Variants in TBXAS1 observed in about 807,000 individuals in gnomAD.
TBXAS1 encodes the protein thromboxane A synthase 1, also known as thromboxane-A synthase.
TBXAS1 carries 48 observed loss-of-function variants against 60.7 expected under a neutral mutation model. That is an observed-to-expected ratio of 0.79 (90% CI 0.63 to 1.01). TBXAS1 has a LOEUF of 1.01. TBXAS1 is among the 50% of genes least tolerant of loss of function. The probability of loss-of-function intolerance (pLI) is 0.00; values close to 1 mark genes in which losing one functional copy is unlikely to be tolerated. For missense variants in TBXAS1, 685 were observed against 686.3 expected (o/e 1.00, Z 0.02); for synonymous variants, 287 against 269.7 (o/e 1.06, Z -0.63).
At chr7:139,802,850 C>A (rs1455383509) in intron 4 of TBXAS1, among the ~76,000 whole-genome samples, 1 of 152,080 alleles carries the variant, frequency 6.6e-6, no homozygotes, top group Non-Finnish European at 1.5e-5. Context: ...GGTGGCAGTT[C>A]CCCTGCACAT....
At chr7:139,877,817 T>G (rs1802364540) in intron 3 of TBXAS1, among the ~76,000 whole-genome samples, 1 of 151,798 alleles carries the variant, frequency 6.6e-6, no homozygotes, top group Admixed American at 6.6e-5. Context: ...AGTCTATTGC[T>G]TTTTAAAGGT....
At chr7:139,849,410 A>C (rs1800053766) in intron 1 of TBXAS1, among the ~76,000 whole-genome samples, 1 of 150,198 alleles carries the variant, frequency 6.7e-6, no homozygotes, top group Non-Finnish European at 1.5e-5. Context: ...CAAAAAAAAA[A>C]CAACCCACCA....
chr7:139,911,845 T>C (rs181024328), intron 4 of TBXAS1, among the ~76,000 whole-genome samples: 225 of 152,354 alleles, frequency 1.5e-3, no homozygotes, highest in Non-Finnish European at 2.4e-3. Context: ...CCAGCCTACA[T>C]GCATGTACAT....
At chr7:139,952,733 A>G (rs748025476) in intron 5 of TBXAS1, 1 of 1,480,038 alleles carries the variant, frequency 6.8e-7, no homozygotes, top group Non-Finnish European at 8.9e-7. Flanking sequence ...CCTATTAAAA[A>G]AAAGAAACCC....
intron 1 of TBXAS1, among the ~76,000 whole-genome samples, chr7:139,851,248 T>A (rs146044826): frequency 2.1e-4 from 32 of 152,318 alleles, no homozygotes; most frequent in African/African-American, 6.3e-4. Flanking sequence ...AGGCCCTTCA[T>A]TCAGACAGCT....
intron 3 of TBXAS1, among the ~76,000 whole-genome samples, chr7:139,877,719 A>G (rs1802352989): frequency 8.4e-6 from 1 of 119,746 alleles, no homozygotes. Context: ...CACTGCACCC[A>G]GTCTATTGCT....
chr7:139,859,993 G>A (rs1417879848), intron 1 of TBXAS1, among the ~76,000 whole-genome samples: 1 of 152,102 alleles, frequency 6.6e-6, no homozygotes. Flanking sequence ...ACAAAAATTA[G>A]CTGAGCACAA....
chr7:139,963,183 G>A (rs904821670), intron 9 of TBXAS1: 9 of 152,130 alleles, frequency 5.9e-5, no homozygotes, highest in African/African-American at 2.2e-4. Flanking sequence ...TTAACTTTAG[G>A]CTCAACATGA....
chr7:139,820,720 T>C (rs914171830), intron 4 of TBXAS1, among the ~76,000 whole-genome samples: 1 of 152,176 alleles, frequency 6.6e-6, no homozygotes, highest in African/African-American at 2.4e-5. Flanking sequence ...CTCTCCTGTG[T>C]AGGCCAGTCC....
chr7:139,826,509 T>A (rs954488737), upstream of TBXAS1, among the ~76,000 whole-genome samples: 2 of 152,212 alleles, frequency 1.3e-5, no homozygotes, highest in South Asian at 4.1e-4. Context: ...ACCTGTGCGG[T>A]TCACTATCTT....
At chr7:139,866,574 T>G (rs1584717317) in intron 1 of TBXAS1, among the ~76,000 whole-genome samples, 2 of 142,886 alleles carry the variant, frequency 1.4e-5, no homozygotes, top group Non-Finnish European at 1.5e-5. Context: ...GGCAACATAG[T>G]GAGACCCTGT....
chr7:139,849,047 AAGTGAAAAC>A (rs751384146), intron 1 of TBXAS1, among the ~76,000 whole-genome samples: 1 of 152,200 alleles, frequency 6.6e-6, no homozygotes, highest in Non-Finnish European at 1.5e-5. Context: ...CTTTTATTGT[AAGTGAAAAC>A]AGTGACTCTC....
intron 10 of TBXAS1, among the ~76,000 whole-genome samples, chr7:140,010,908 A>G (rs1468110154): frequency 6.6e-6 from 1 of 152,104 alleles, no homozygotes; most frequent in Admixed American, 6.6e-5. Context: ...AATCCAGCAT[A>G]GAATTATTTT....
At chr7:139,793,203 G>A (rs376335929) in intron 4 of TBXAS1, among the ~76,000 whole-genome samples, 11 of 152,248 alleles carry the variant, frequency 7.2e-5, no homozygotes, top group African/African-American at 2.6e-4. Flanking sequence ...GAGCACTTGA[G>A]GTCAGGAGTT....
At chr7:139,952,684 T>C in intron 5 of TBXAS1, 1 of 1,523,322 alleles carries the variant, frequency 6.6e-7, no homozygotes, top group South Asian at 1.2e-5. Flanking sequence ...ACTCTACCTT[T>C]CTGTGTAAGT....
chr7:140,000,817 T>TAGTTCAATAGAG (rs1418374970), intron 9 of TBXAS1, among the ~76,000 whole-genome samples: 6 of 152,252 alleles, frequency 3.9e-5, no homozygotes, highest in Non-Finnish European at 7.3e-5. Context: ...CCTATTAGCC[T>TAGTTCAATAGAG]AGTTCAATAG....
intron 4 of TBXAS1, 110 bp from the exon 5 acceptor site, chr7:139,936,081 T>A: frequency 2.1e-6 from 2 of 947,252 alleles, no homozygotes; most frequent in South Asian, 2.6e-5. Flanking sequence ...ACCTCCTAAC[T>A]TGTTGGCCAC....
intron 9 of TBXAS1, among the ~76,000 whole-genome samples, chr7:139,973,963 C>T (rs1400691202): frequency 6.6e-6 from 1 of 152,184 alleles, no homozygotes; most frequent in African/African-American, 2.4e-5. Flanking sequence ...GCAAAAGAAT[C>T]CTTATTATAA....
At chr7:139,791,444 T>G (rs1304483813) in intron 4 of TBXAS1, among the ~76,000 whole-genome samples, 1 of 152,166 alleles carries the variant, frequency 6.6e-6, no homozygotes, top group African/African-American at 2.4e-5. Context: ...GCTGGTTCCC[T>G]TTGCACTCTA....
Sources: gnomAD v4.1 joint callset for allele counts (sites outside exome capture counted in the v4.1 genomes callset) on GRCh38, gnomAD v4.1.1 for gene constraint, MANE v1.5 for transcripts, NCBI Gene and HGNC (gene_info 2026-07-23, HGNC 2026-07-21) for gene names.